Variants in KCNIP1 observed in about 807,000 individuals in gnomAD.
The protein encoded by KCNIP1 is A-type potassium channel modulatory protein KCNIP1.
In KCNIP1, 18 loss-of-function variants were observed where a neutral mutation model predicts 33.0. That is an observed-to-expected ratio of 0.55 (90% CI 0.38 to 0.81). KCNIP1 has a LOEUF of 0.81. Among genes scored for constraint, KCNIP1 ranks in the 30% least tolerant of loss-of-function variants. KCNIP1 has a pLI of 0.00. For synonymous variants in KCNIP1, 93 were observed against 98.3 expected, an observed-to-expected ratio of 0.95 and a Z score of 0.32; for missense variants, 238 against 271.6, an observed-to-expected ratio of 0.88 and a Z score of 0.87.
rs1764379542 is a variant in KCNIP1, at chr5:170,736,128, T to C, written c.*322T>C. ...AGCTTAAACAGTAGTGCACAAAATA[T>C]GCTGCTTACGTGCCCCCAGCCCACT... On this transcript the variant is annotated 3_prime_UTR_variant, in exon 8 of 8. Transcript: ENST00000328939. 1 of 277,974 alleles carries C rather than the reference T, an allele frequency of 3.6e-6. No individual in the cohort carries two copies. The highest frequency in any genetic ancestry group is 2.2e-5 in the African/African-American group (1 of 46,054). 17.2% of individuals were successfully genotyped at this position (277,974 alleles called of 1,614,324 possible).
Position 170,642,644 on chromosome 5 carries a change from C to A in KCNIP1, c.62-76114C>A, listed in dbSNP as rs1760615567. On this transcript the variant is annotated intron_variant, in intron 1 of 7. Transcript: ENST00000328939. The stretch of plus-strand genomic sequence containing the variant: ...GATGCGGGGAATCTGGAAGGAGATT[C>A]ACTTCAAGCACCATCCCACTCTATT... Among the ~76,000 whole-genome samples, 9 of 152,218 alleles carry A rather than the reference C, an allele frequency of 5.9e-5. No homozygotes were observed. In the South Asian group the frequency reaches 1.9e-3, roughly 31 times the overall value.
At chr5:170,701,057 A>T (rs538345009) in intron 1 of KCNIP1, among the ~76,000 whole-genome samples, 1 of 152,322 alleles carries the variant, frequency 6.6e-6, no homozygotes, top group African/African-American at 2.4e-5. Flanking sequence ...TTTACCCAAA[A>T]CATTAAAATT....
chr5:170,390,634 A>C (rs1197338929), intron 1 of KCNIP1, among the ~76,000 whole-genome samples: 1 of 151,156 alleles, frequency 6.6e-6, no homozygotes, highest in Non-Finnish European at 1.5e-5. Flanking sequence ...CCTTCACTTG[A>C]CCCAAGAATC....
At chr5:170,412,624 C>T (rs1755224880) in intron 1 of KCNIP1, among the ~76,000 whole-genome samples, 3 of 152,294 alleles carry the variant, frequency 2.0e-5, no homozygotes, top group East Asian at 3.9e-4. Context: ...AGCAAAATGC[C>T]TCCTGGAGGT....
At chr5:170,720,813 T>C (rs1400426408) in intron 3 of KCNIP1, among the ~76,000 whole-genome samples, 1 of 152,264 alleles carries the variant, frequency 6.6e-6, no homozygotes, top group Admixed American at 6.5e-5. Flanking sequence ...TTGAATCTTT[T>C]CCTTAAAATA....
At chr5:170,610,240 G>A (rs1312248705) in intron 1 of KCNIP1, among the ~76,000 whole-genome samples, 1 of 152,222 alleles carries the variant, frequency 6.6e-6, no homozygotes, top group Non-Finnish European at 1.5e-5. Context: ...AACCACTTAT[G>A]TTAGAATAAA....
intron 1 of KCNIP1, among the ~76,000 whole-genome samples, chr5:170,705,214 T>A (rs776001799): frequency 1.3e-5 from 2 of 152,220 alleles, no homozygotes; most frequent in Non-Finnish European, 2.9e-5. Flanking sequence ...CATTAATAAT[T>A]CAAGGTGTGT....
intron 1 of KCNIP1, among the ~76,000 whole-genome samples, chr5:170,650,777 C>G (rs1295583443): frequency 2.0e-5 from 3 of 152,130 alleles, no homozygotes; most frequent in Non-Finnish European, 4.4e-5. Flanking sequence ...GCATTTTATA[C>G]CCACCAGCTC....
At chr5:170,355,280 T>A (rs550904266) in intron 1 of KCNIP1, among the ~76,000 whole-genome samples, 1 of 152,112 alleles carries the variant, frequency 6.6e-6, no homozygotes, top group African/African-American at 2.4e-5. Flanking sequence ...AAACAGGAGG[T>A]TAATGGGTAT....
At chr5:170,592,842 T>C (rs986911864) in intron 1 of KCNIP1, among the ~76,000 whole-genome samples, 1 of 152,206 alleles carries the variant, frequency 6.6e-6, no homozygotes, top group Non-Finnish European at 1.5e-5. Flanking sequence ...TGGCAGGTGC[T>C]GCCTAAATAG....
chr5:170,652,542 G>T (rs1761089305), intron 1 of KCNIP1, among the ~76,000 whole-genome samples: 2 of 148,868 alleles, frequency 1.3e-5, no homozygotes, highest in Admixed American at 1.3e-4. Flanking sequence ...GAAAAGAAAA[G>T]AAAAGAAAAG....
chr5:170,735,892 C>A lies in KCNIP1; in HGVS notation c.*86C>A. On this transcript the variant is annotated 3_prime_UTR_variant, in exon 8 of 8. Transcript: ENST00000328939. ...CTGATCTGCCCTTGTTCTGATTTTA[C>A]ACACCAACTCTTGGGACAGAAACAC... 2 of 1,169,080 alleles carry A rather than the reference C, an allele frequency of 1.7e-6. No individual in the cohort carries two copies. The highest frequency in any genetic ancestry group is 1.3e-5 in the South Asian group (1 of 79,694). 72.4% of individuals were successfully genotyped at this position (1,169,080 alleles called of 1,614,324 possible). A position where few individuals can be genotyped will look rare whatever the true frequency, so the allele number is the denominator to read the frequency against.
intron 1 of KCNIP1, among the ~76,000 whole-genome samples, chr5:170,692,012 C>T (rs532817601): frequency 6.6e-6 from 1 of 152,322 alleles, no homozygotes; most frequent in African/African-American, 2.4e-5. Context: ...GTTTTCCTGG[C>T]TTCCCCAGGG....
chr5:170,479,417 C>T (rs1019927239), intron 1 of KCNIP1, among the ~76,000 whole-genome samples: 1 of 152,132 alleles, frequency 6.6e-6, no homozygotes, highest in African/African-American at 2.4e-5. Flanking sequence ...TAGATGTATT[C>T]AAAATTCACT....
intron 1 of KCNIP1, among the ~76,000 whole-genome samples, chr5:170,683,126 C>T (rs1762416403): frequency 6.6e-6 from 1 of 152,078 alleles, no homozygotes; most frequent in Non-Finnish European, 1.5e-5. Context: ...AGGTAGAGAA[C>T]ATATGTTGAG....
chr5:170,636,208 A>G (rs1178767038), intron 1 of KCNIP1, among the ~76,000 whole-genome samples: 2 of 152,232 alleles, frequency 1.3e-5, no homozygotes, highest in African/African-American at 4.8e-5. Context: ...CTAGCCAGAG[A>G]CAGGAATTGT....
chr5:170,681,951 G>A (rs974020825), intron 1 of KCNIP1, among the ~76,000 whole-genome samples: 4 of 152,138 alleles, frequency 2.6e-5, no homozygotes, highest in Non-Finnish European at 4.4e-5. Context: ...GAGCAATTGG[G>A]CTCATAAAAC....
At chr5:170,421,120 GA>G (rs1289306807) in intron 1 of KCNIP1, among the ~76,000 whole-genome samples, 4 of 152,202 alleles carry the variant, frequency 2.6e-5, no homozygotes, top group African/African-American at 9.7e-5. Context: ...CTTGGGGTTG[GA>G]GGGGGTGTTG....
At chr5:170,388,595 T>C (rs997271038) in intron 1 of KCNIP1, among the ~76,000 whole-genome samples, 2 of 152,102 alleles carry the variant, frequency 1.3e-5, no homozygotes, top group Non-Finnish European at 2.9e-5. Context: ...GACTTTGGAG[T>C]GTCCTGGGTG....
Sources: allele counts gnomAD v4.1 joint callset (sites outside exome capture counted in the v4.1 genomes callset), GRCh38; gene constraint gnomAD v4.1.1; transcripts MANE v1.5; gene names NCBI Gene and HGNC (gene_info 2026-07-23, HGNC 2026-07-21).